TOM1L2: variants seen among roughly 807,000 people sequenced by gnomAD.
The protein encoded by TOM1L2 is target of myb1 like 2 membrane trafficking protein, also known as TOM1-like protein 2.
Under a neutral mutation model 67.9 loss-of-function variants are expected in TOM1L2, and 31 were observed. The ratio of observed to expected loss-of-function variants is 0.46; its 90% CI spans 0.34 to 0.62. The LOEUF (loss-of-function observed/expected upper bound fraction) is 0.62, where lower values mean the gene tolerates loss of function less well. Ranked by LOEUF, TOM1L2 falls within the 20% of genes least tolerant of loss-of-function variation. TOM1L2 has a pLI of 0.01. For synonymous variants in TOM1L2, 256 were observed against 254.0 expected (o/e 1.01, Z -0.07); for missense variants, 606 against 663.5 (o/e 0.91, Z 0.95).
At chr17:17,920,158 G>C (rs1389311018) in intron 1 of TOM1L2, among the ~76,000 whole-genome samples, 1 of 151,992 alleles carries the variant, frequency 6.6e-6, no homozygotes, top group Non-Finnish European at 1.5e-5. Context: ...AAGTGTAAAA[G>C]AGAGTGCTGG....
chr17:17,925,682 C>CA (rs1193121320), intron 1 of TOM1L2, among the ~76,000 whole-genome samples: 5,761 of 79,378 alleles, frequency 0.073, 181 homozygotes, highest in Middle Eastern at 0.1. Context: ...TCGTGTCTAC[C>CA]AAAAAAAAAA....
At chr17:17,897,125 G>C (rs1376990233) in intron 3 of TOM1L2, among the ~76,000 whole-genome samples, 1 of 152,210 alleles carries the variant, frequency 6.6e-6, no homozygotes, top group Non-Finnish European at 1.5e-5. Flanking sequence ...CGATTACCAT[G>C]AAGTTGGGTG....
chr17:17,851,297 TA>T (rs1322149593), intron 12 of TOM1L2: 2 of 354,404 alleles, frequency 5.6e-6, no homozygotes, highest in Non-Finnish European at 1.1e-5. Context: ...AAACACCTTC[TA>T]ACTTCAGGAA....
intron 1 of TOM1L2, among the ~76,000 whole-genome samples, chr17:17,935,983 G>C (rs2144740565): frequency 6.6e-6 from 1 of 152,326 alleles, no homozygotes; most frequent in East Asian, 1.9e-4. Context: ...CCACCCAGCA[G>C]CTAGTGGCTT....
chr17:17,921,686 C>A (rs2039875777), intron 1 of TOM1L2, among the ~76,000 whole-genome samples: 1 of 132,098 alleles, frequency 7.6e-6, no homozygotes, highest in African/African-American at 2.9e-5. Flanking sequence ...ATCAAAGTTT[C>A]TCTGTGACCT....
chr17:17,865,455 C>T (rs1598210542), intron 10 of TOM1L2, among the ~76,000 whole-genome samples: 1 of 152,044 alleles, frequency 6.6e-6, no homozygotes, highest in East Asian at 1.9e-4. Context: ...CGGCTCACTG[C>T]AACCTCTGCT....
chr17:17,945,011 C>T (rs1325395589), intron 1 of TOM1L2, among the ~76,000 whole-genome samples: 1 of 152,180 alleles, frequency 6.6e-6, no homozygotes, highest in Non-Finnish European at 1.5e-5. Flanking sequence ...CACACTAATC[C>T]TTCATCCTCC....
intron 1 of TOM1L2, among the ~76,000 whole-genome samples, chr17:17,960,962 A>C (rs1489788753): frequency 6.6e-6 from 1 of 152,236 alleles, no homozygotes; most frequent in Admixed American, 6.5e-5. Context: ...ACTTTTGTGC[A>C]TTAAAGGACA....
intron 1 of TOM1L2, among the ~76,000 whole-genome samples, chr17:17,930,100 T>C (rs1370563650): frequency 1.3e-5 from 2 of 152,198 alleles, no homozygotes; most frequent in Admixed American, 6.5e-5. Context: ...CACTCCATTC[T>C]AGTTCTTCAG....
chr17:17,848,218 A>G (rs1390856602), intron 14 of TOM1L2, among the ~76,000 whole-genome samples: 1 of 152,074 alleles, frequency 6.6e-6, no homozygotes, highest in Non-Finnish European at 1.5e-5. Flanking sequence ...CCCCATTTCT[A>G]TGGGCACTGA....
chr17:17,871,040 A>G lies in TOM1L2; in HGVS notation c.778-1567T>C, dbSNP rs537115633. Among the ~76,000 whole-genome samples the G allele has an allele frequency of 3.9e-5, 6 of 152,348 alleles. No homozygotes were observed. The South Asian group carries it at 8.3e-4, about 21-fold the overall frequency. On this transcript the variant is annotated intron_variant, in intron 7 of 14. Coordinates refer to ENST00000379504, the MANE Select transcript of TOM1L2 (RefSeq NM_001082968.2). Reference sequence around the variant, plus strand: ...CATGACACATGGGAGGCTCTCCCCAAGTACTTCTGAGAGAATTAATTAATG... The same window carrying G: ...CATGACACATGGGAGGCTCTCCCCAGGTACTTCTGAGAGAATTAATTAATG...
intron 1 of TOM1L2, among the ~76,000 whole-genome samples, chr17:17,945,288 A>ACT (rs1160947515): frequency 1.6e-3 from 241 of 147,952 alleles, no homozygotes; most frequent in South Asian, 8.7e-3. Flanking sequence ...ACACACACAC[A>ACT]CACTCTCTCT....
intron 1 of TOM1L2, among the ~76,000 whole-genome samples, chr17:17,968,621 T>A (rs1256647267): frequency 6.7e-6 from 1 of 148,658 alleles, no homozygotes; most frequent in African/African-American, 2.5e-5. Context: ...GCTTAGATCG[T>A]GCCACTGCAC....
At chr17:17,909,792 G>A (rs1008921573) in intron 1 of TOM1L2, among the ~76,000 whole-genome samples, 3 of 152,180 alleles carry the variant, frequency 2.0e-5, no homozygotes, top group Admixed American at 6.5e-5. Flanking sequence ...AACTTTGGGA[G>A]GCTGAGGCAG....
intron 1 of TOM1L2, among the ~76,000 whole-genome samples, chr17:17,967,252 C>A (rs1415058295): frequency 1.3e-5 from 2 of 152,214 alleles, no homozygotes; most frequent in Non-Finnish European, 2.9e-5. Flanking sequence ...TGCTTCTTGC[C>A]TGTTTATTAA....
At chr17:17,913,931 G>A (rs895162355) in intron 1 of TOM1L2, among the ~76,000 whole-genome samples, 2 of 152,172 alleles carry the variant, frequency 1.3e-5, no homozygotes, top group Admixed American at 6.5e-5. Flanking sequence ...TTCTCCATGA[G>A]AGTCTGTGCC....
chr17:17,931,389 C>T (rs1015349211), intron 1 of TOM1L2, among the ~76,000 whole-genome samples: 4 of 152,168 alleles, frequency 2.6e-5, no homozygotes, highest in African/African-American at 9.7e-5. Context: ...CAATTGAGCT[C>T]AAATCTGATT....
chr17:17,877,899 AC>A (rs2037502662), intron 7 of TOM1L2, among the ~76,000 whole-genome samples: 1 of 149,792 alleles, frequency 6.7e-6, no homozygotes, highest in Non-Finnish European at 1.5e-5. Flanking sequence ...AAAATCCCAA[AC>A]CCCCTCTCCC....
Position 17,862,832 on chromosome 17 carries a change from G to A in TOM1L2, c.1101C>T (p.Ser367=), listed in dbSNP as rs759473696. ...QLAGLDLGTE[S]VSGTLSSLQQ... ...GGAGTGAACTGAGGGTGCCACTGAC[G>A]CTCTCTGTCCCCAAGTCTGTGGCAA... Residue 367 remains serine (S), a synonymous_variant, in exon 11 of 15, where the codon AGC becomes AGT. Transcript: ENST00000379504. 1.8e-5 allele frequency: 29 copies of A among 1,613,900 alleles called. No individual in the cohort carries two copies. The highest frequency in any genetic ancestry group is 2.2e-5 in the Non-Finnish European group (26 of 1,179,934).
Sources: gnomAD v4.1 joint callset for allele counts (sites outside exome capture counted in the v4.1 genomes callset) on GRCh38, gnomAD v4.1.1 for gene constraint, MANE v1.5 for transcripts, NCBI Gene and HGNC (gene_info 2026-07-23, HGNC 2026-07-21) for gene names.